Variants in FAM83F observed in about 807,000 individuals in gnomAD.
FAM83F encodes the protein scaffolding CK1 anchoring protein F.
Under a neutral mutation model 42.9 loss-of-function variants are expected in FAM83F, and 45 were observed. That is an observed-to-expected ratio of 1.05 (90% CI 0.83 to 1.35). The LOEUF is 1.35. FAM83F is among the 40% of genes most tolerant of loss of function. The pLI is 0.00. For missense variants in FAM83F, 617 were observed against 695.9 expected, an observed-to-expected ratio of 0.89 and a Z score of 1.28; for synonymous variants, 306 against 298.3, an observed-to-expected ratio of 1.03 and a Z score of -0.27.
chr22:40,007,183 C>G (rs2067433760), intron 1 of FAM83F, among the ~76,000 whole-genome samples: 1 of 148,566 alleles, frequency 6.7e-6, no homozygotes. Flanking sequence ...GGGGGTCTTG[C>G]AGCAGGAGCC....
rs1332459456 is a variant in FAM83F, at chr22:39,995,312, G to A, written c.270G>A (p.Lys90=). The A allele has an allele frequency of 2.6e-6, 4 of 1,538,048 alleles. No homozygotes were observed. Among genetic ancestry groups the A allele is most frequent in the Non-Finnish European group, 3.5e-6 (4 of 1,145,790 alleles). Residue 90 remains lysine, a synonymous_variant, in exon 1 of 5, where the codon AAG becomes AAA. Transcript: ENST00000333407. The surrounding 1 kb of genome is among the most constrained non-coding windows in gnomAD (Gnocchi z 4.6). Reference sequence around the variant, plus strand: ...ACGCCCGGGGCAAGAGCAAGGCCAAGGCCAAGGCCCCCGCGCCGGCGCCGG... The same window carrying A: ...ACGCCCGGGGCAAGAGCAAGGCCAAAGCCAAGGCCCCCGCGCCGGCGCCGG... ...AANARGKSKA[K]AKAPAPAPAE...
chr22:40,040,158 A>T lies in FAM83F; in HGVS notation c.*10593A>T, dbSNP rs934448178. 1 of 152,206 alleles carries T rather than the reference A, an allele frequency of 6.6e-6. No homozygotes were observed. The highest frequency in any genetic ancestry group is 1.5e-5 in the Non-Finnish European group (1 of 68,060). The allele number at this position is 152,206 out of a possible 1,614,324, so 9.4% of individuals were successfully genotyped here. ...AGGGGGTAAAGAGGATGGGGCTGAG[A>T]TACTAAAGACTACGAGGACAACTGT... On this transcript the variant is annotated 3_prime_UTR_variant, in exon 5 of 5. Transcript: ENST00000333407.
In FAM83F at chr22:40,019,240, C is replaced by T. The variant is rs754481227; in HGVS notation, c.562C>T (p.Arg188Cys). 17 of 1,614,074 alleles carry T rather than the reference C, an allele frequency of 1.1e-5. No homozygotes were observed. The East Asian group carries it at 3.1e-4, about 30-fold the overall frequency. The change falls in exon 2 of 5, where the codon CGC becomes TGC. Residue 188 changes from arginine (R) to cysteine (C), a missense_variant. Coordinates refer to ENST00000333407, the MANE Select transcript of FAM83F (RefSeq NM_138435.4). ...AGACATTGTGGATGCTGCCTGTAAGCGCCGGGTCCCAGTGTACATCATCCT... is the reference window on the plus strand; with the variant it reads ...AGACATTGTGGATGCTGCCTGTAAGTGCCGGGTCCCAGTGTACATCATCCT... Reference protein sequence around the residue: ...FQDIVDAACKRRVPVYIILDE... With the variant: ...FQDIVDAACKCRVPVYIILDE...
rs1318502340 is a variant in FAM83F at position 39,995,878 on chromosome 22, G to A, written c.489+347G>A. Among the ~76,000 whole-genome samples, 1 of 152,218 alleles carries A rather than the reference G, an allele frequency of 6.6e-6. No individual in the cohort carries two copies. The highest frequency in any genetic ancestry group is 1.5e-5 in the Non-Finnish European group (1 of 68,036). On this transcript the variant is annotated intron_variant, in intron 1 of 4. Transcript: ENST00000333407. This position sits in a 1 kb window ranked among gnomAD's most constrained non-coding sequence, Gnocchi z 4.6. ...TTAAAATGCACCACTCAAAGGTCTT[G>A]ATGATAACCTACGTGCTGCCCAGAA...
chr22:40,025,397 C>T (rs545454537), intron 4 of FAM83F, among the ~76,000 whole-genome samples: 44 of 151,966 alleles, frequency 2.9e-4, no homozygotes, highest in Admixed American at 1.5e-3. Flanking sequence ...CCAGTCTGGA[C>T]GACAGAGAGA....
At position 40,037,228 on chromosome 22, in the gene FAM83F, C is replaced by G. The variant is rs1181723132; in HGVS notation, c.*7663C>G. 1 of 152,130 alleles carries G rather than the reference C, an allele frequency of 6.6e-6. No individual in the cohort carries two copies. Among genetic ancestry groups the G allele is most frequent in the Non-Finnish European group, 1.5e-5 (1 of 68,048 alleles). The allele number at this position is 152,130 out of a possible 1,614,324, so 9.4% of individuals were successfully genotyped here. A position where few individuals can be genotyped will look rare whatever the true frequency, so the allele number is the denominator to read the frequency against. ...CTCTATTAAAAATACAAAAATTAGC[C>G]TGGTGTGGTGGCACATGCCTGTAAT... On this transcript the variant is annotated 3_prime_UTR_variant, in exon 5 of 5. Transcript: ENST00000333407.
At chr22:40,002,957 G>A (rs920920635) in intron 1 of FAM83F, among the ~76,000 whole-genome samples, 5 of 152,184 alleles carry the variant, frequency 3.3e-5, no homozygotes, top group Non-Finnish European at 7.3e-5. Flanking sequence ...ACTCAGAAGA[G>A]GCTGGGGGAG....
rs5995793 is a variant in FAM83F, at chr22:40,021,776, C to T, written c.1266C>T (p.Asn422=). The T allele has an allele frequency of 0.28, 454,908 of 1,612,272 alleles. 67,358 individuals are homozygous for T. Among genetic ancestry groups the T allele is most frequent in the South Asian group, 0.42 (38,017 of 91,060 alleles). Reference sequence around the variant, plus strand: ...AATCCCGAGAGGCACCCAGCCGAAACGGCATGGGAGAAGCGGCCCGGGGGG... The same window carrying T: ...AATCCCGAGAGGCACCCAGCCGAAATGGCATGGGAGAAGCGGCCCGGGGGG... ...KPKSREAPSR[N]GMGEAARGEA... Residue 422 remains asparagine, a synonymous_variant, in exon 4 of 5, where the codon AAC becomes AAT. Coordinates refer to ENST00000333407, the MANE Select transcript of FAM83F (RefSeq NM_138435.4). This position sits in a 1 kb window ranked among gnomAD's most constrained non-coding sequence, Gnocchi z 8.7.
At chr22:40,029,450 A>C in intron 4 of FAM83F, 66 bp from the exon 5 acceptor site, 2 of 1,555,798 alleles carry the variant, frequency 1.3e-6, no homozygotes, top group South Asian at 2.4e-5. Context: ...CAGGGTAGGA[A>C]CTGAAGCTGA....
At chr22:40,001,713 G>A (rs868596954) in intron 1 of FAM83F, among the ~76,000 whole-genome samples, 29 of 152,278 alleles carry the variant, frequency 1.9e-4, no homozygotes, top group African/African-American at 6.7e-4. Flanking sequence ...GAGAAACCAT[G>A]TGTGAAAGCT....
At chr22:40,026,412 C>T (rs536715630) in intron 4 of FAM83F, among the ~76,000 whole-genome samples, 5 of 152,018 alleles carry the variant, frequency 3.3e-5, no homozygotes, top group African/African-American at 7.3e-5. Flanking sequence ...CCCAGCTACT[C>T]GGGAGGCTGA....
chr22:40,015,257 T>C (rs2067487267), intron 1 of FAM83F, among the ~76,000 whole-genome samples: 1 of 152,238 alleles, frequency 6.6e-6, no homozygotes, highest in Non-Finnish European at 1.5e-5. Context: ...AATTCCTTCC[T>C]GCCCAGGGCA....
In FAM83F at chr22:40,042,244, G is replaced by T. The variant is rs2067654636; in HGVS notation, c.*12679G>T. 1 of 152,212 alleles carries T rather than the reference G, an allele frequency of 6.6e-6. No individual in the cohort carries two copies. Among genetic ancestry groups the T allele is most frequent in the Non-Finnish European group, 1.5e-5 (1 of 68,026 alleles). 9.4% of individuals were successfully genotyped at this position (152,212 alleles called of 1,614,324 possible). A position where few individuals can be genotyped will look rare whatever the true frequency, so the allele number is the denominator to read the frequency against. On this transcript the variant is annotated 3_prime_UTR_variant, in exon 5 of 5. Coordinates refer to ENST00000333407, the MANE Select transcript of FAM83F (RefSeq NM_138435.4). ...TTCTCAAGTGGGCAAATAGGAGAAG[G>T]TTTCAGGCATTTGTTTTGTCTCTGG...
chr22:40,028,958 T>TA, intron 4 of FAM83F, among the ~76,000 whole-genome samples: 1 of 152,248 alleles, frequency 6.6e-6, no homozygotes, highest in East Asian at 1.9e-4. Context: ...CTGGGAGCTG[T>TA]GGGCACCTCA....
At position 40,019,018 on chromosome 22, in the gene FAM83F, C is replaced by G. The variant is rs9619842; in HGVS notation, c.490-150C>G. ...CCAGGGCTCAGATATGCTCAAAGAT[C>G]GGGGGACGTGGAACTCCAGGAATGG... On this transcript the variant is annotated intron_variant, in intron 1 of 4. Transcript: ENST00000333407. 11 of 857,844 alleles carry G rather than the reference C, an allele frequency of 1.3e-5. No homozygotes were observed. In the African/African-American group the frequency reaches 1.5e-4, roughly 12 times the overall value. The allele number at this position is 857,844 out of a possible 1,614,324, so 53.1% of individuals were successfully genotyped here.
chr22:40,019,849 C>A, intron 2 of FAM83F, 38 bp from the exon 3 acceptor site: 1 of 1,580,502 alleles, frequency 6.3e-7, no homozygotes, highest in South Asian at 1.2e-5. Flanking sequence ...GGAGGCTGGC[C>A]CAACCCAGGT....
At chr22:39,999,586 G>A (rs2067388135) in intron 1 of FAM83F, among the ~76,000 whole-genome samples, 1 of 152,208 alleles carries the variant, frequency 6.6e-6, no homozygotes, top group Non-Finnish European at 1.5e-5. Context: ...CTCCCTCTGA[G>A]CTCCAAAAGG....
intron 1 of FAM83F, among the ~76,000 whole-genome samples, chr22:40,007,471 C>T (rs1601764533): frequency 9.1e-5 from 2 of 22,038 alleles, no homozygotes; most frequent in East Asian, 1.7e-3. Context: ...CTCCTCCTCT[C>T]CTCTCCTCCT....
Position 40,028,776 on chromosome 22 carries a change from C to T in FAM83F, c.1454-740C>T, listed in dbSNP as rs150054133. 8.3e-3 allele frequency among the ~76,000 whole-genome samples: 1,268 copies of T among 152,342 alleles called. 26 individuals are homozygous for T. The highest frequency in any genetic ancestry group is 0.029 in the African/African-American group (1,213 of 41,582). On this transcript the variant is annotated intron_variant, in intron 4 of 4. Coordinates refer to ENST00000333407, the MANE Select transcript of FAM83F (RefSeq NM_138435.4). ...CAGGCAGCGCGTTCCTCTCTGTCCT[C>T]CCTTCAAAGGCGCGTCCTAAGCAGT...
Sources: allele counts gnomAD v4.1 joint callset (sites outside exome capture counted in the v4.1 genomes callset), GRCh38; gene constraint gnomAD v4.1.1; non-coding constraint Gnocchi (gnomAD v3.1); transcripts MANE v1.5; gene names NCBI Gene and HGNC (gene_info 2026-07-23, HGNC 2026-07-21).